AOPEP: variants seen among roughly 807,000 people sequenced by gnomAD.
AOPEP encodes the protein aminopeptidase O (putative).
A neutral mutation model predicts 98.1 loss-of-function variants in AOPEP; 77 were observed. The observed-to-expected ratio is 0.78, with a 90% CI of 0.65 to 0.95. The LOEUF (loss-of-function observed/expected upper bound fraction) is 0.95, where lower values mean the gene tolerates loss of function less well. AOPEP is among the 40% of genes least tolerant of loss of function. AOPEP has a pLI of 0.00. For missense variants in AOPEP, 1,024 were observed against 1,024.7 expected (o/e 1.00, Z 0.01); for synonymous variants, 346 against 365.3 (o/e 0.95, Z 0.60).
intron 5 of AOPEP, among the ~76,000 whole-genome samples, chr9:94,808,124 C>T (rs1849646064): frequency 1.3e-5 from 2 of 151,892 alleles, no homozygotes; most frequent in South Asian, 2.1e-4. Flanking sequence ...CTCACTGCCA[C>T]CTATGCCTCC....
the AOPEP span, among the ~76,000 whole-genome samples, chr9:95,119,365 C>T: frequency 1.4e-5 from 2 of 141,302 alleles, no homozygotes; most frequent in Admixed American, 7.1e-5. Context: ...TCTTCCTTTT[C>T]TTTTTTTTTT....
chr9:94,926,716 C>T (rs1338203725), intron 6 of AOPEP, among the ~76,000 whole-genome samples: 1 of 151,240 alleles, frequency 6.6e-6, no homozygotes, highest in Non-Finnish European at 1.5e-5. Context: ...CATGAGGATA[C>T]AGGGTGACAG....
At chr9:95,002,743 A>G (rs934657262) in intron 11 of AOPEP, among the ~76,000 whole-genome samples, 1 of 152,220 alleles carries the variant, frequency 6.6e-6, no homozygotes, top group Non-Finnish European at 1.5e-5. Flanking sequence ...CCAGAACTAG[A>G]GGATAAGTGG....
At chr9:94,774,462 A>G (rs1423341391) in intron 3 of AOPEP, among the ~76,000 whole-genome samples, 3 of 152,174 alleles carry the variant, frequency 2.0e-5, no homozygotes, top group South Asian at 4.1e-4. Context: ...TTTAAAATCT[A>G]TATGTTTTGT....
At chr9:94,797,294 T>C (rs1474413815) in intron 4 of AOPEP, among the ~76,000 whole-genome samples, 2 of 151,954 alleles carry the variant, frequency 1.3e-5, no homozygotes, top group Non-Finnish European at 2.9e-5. Context: ...TAGTTGGGTG[T>C]GGTGACGTGT....
At chr9:94,917,387 G>C (rs569365368) in intron 5 of AOPEP, among the ~76,000 whole-genome samples, 3 of 152,280 alleles carry the variant, frequency 2.0e-5, no homozygotes, top group African/African-American at 7.2e-5. Context: ...AAATGGTGAA[G>C]CTGGCTACAG....
chr9:95,044,795 A>T (rs769109371), intron 13 of AOPEP, among the ~76,000 whole-genome samples: 5 of 152,132 alleles, frequency 3.3e-5, no homozygotes, highest in Non-Finnish European at 7.4e-5. Flanking sequence ...ACCTGGTGGT[A>T]AGGCAGGGCT....
intron 16 of AOPEP, chr9:95,086,203 C>T (rs565781370): frequency 9.3e-6 from 12 of 1,290,582 alleles, no homozygotes; most frequent in East Asian, 1.1e-4. Flanking sequence ...CCCGGCCCGG[C>T]GGCAGCACGG....
At chr9:94,751,643 A>C (rs1835800295) in intron 1 of AOPEP, among the ~76,000 whole-genome samples, 1 of 152,038 alleles carries the variant, frequency 6.6e-6, no homozygotes, top group Admixed American at 6.5e-5. Flanking sequence ...TTAACCTCTC[A>C]ATCTTTAATC....
chr9:94,804,207 C>G (rs1848760249), intron 5 of AOPEP, among the ~76,000 whole-genome samples: 1 of 152,130 alleles, frequency 6.6e-6, no homozygotes, highest in Non-Finnish European at 1.5e-5. Context: ...ATTCTAGAAC[C>G]AGGCATATGA....
intron 1 of AOPEP, among the ~76,000 whole-genome samples, chr9:94,745,054 T>C (rs915936680): frequency 6.6e-6 from 1 of 152,144 alleles, no homozygotes; most frequent in Non-Finnish European, 1.5e-5. Context: ...ACCTCAAGCA[T>C]TGATTATTTC....
At chr9:94,884,964 G>A (rs1214652703) in intron 5 of AOPEP, among the ~76,000 whole-genome samples, 2 of 143,652 alleles carry the variant, frequency 1.4e-5, no homozygotes, top group African/African-American at 5.3e-5. Flanking sequence ...AGCCGAGATC[G>A]CACCACTGCA....
At chr9:94,929,603 G>A (rs976687441) in intron 7 of AOPEP, among the ~76,000 whole-genome samples, 1 of 152,256 alleles carries the variant, frequency 6.6e-6, no homozygotes, top group African/African-American at 2.4e-5. Flanking sequence ...CGGGCCAGGA[G>A]CCAGGAGACC....
At chr9:95,046,078 A>T (rs2065841194) in intron 13 of AOPEP, among the ~76,000 whole-genome samples, 1 of 152,134 alleles carries the variant, frequency 6.6e-6, no homozygotes, top group Non-Finnish European at 1.5e-5. Context: ...ATGTCAGTGG[A>T]CTAGGGCCAC....
intron 5 of AOPEP, among the ~76,000 whole-genome samples, chr9:94,889,155 G>A (rs1160060504): frequency 4.6e-5 from 7 of 151,996 alleles, no homozygotes; most frequent in Non-Finnish European, 8.8e-5. Context: ...CACCACGCCC[G>A]GCTAATTTTT....
intron 3 of AOPEP, among the ~76,000 whole-genome samples, chr9:94,782,458 A>G (rs1400257731): frequency 1.3e-5 from 2 of 152,212 alleles, no homozygotes; most frequent in African/African-American, 4.8e-5. Flanking sequence ...GCTCTCTGAC[A>G]TTCTCTTTCT....
In AOPEP at chr9:94,832,143, G is replaced by A. The variant is rs372931284; in HGVS notation, c.1364+31141G>A. On this transcript the variant is annotated intron_variant, in intron 5 of 16. Transcript: ENST00000375315. ...ACAAAATATTTTTGCATGTAAAAAA[G>A]CAAAACAAATGACTCATTGGGAAAA... Among the ~76,000 whole-genome samples, 85 of 152,106 alleles carry A rather than the reference G, an allele frequency of 5.6e-4. 2 individuals carry two copies. The South Asian group carries it at 0.017, about 30-fold the overall frequency.
intron 1 of AOPEP, among the ~76,000 whole-genome samples, chr9:94,733,833 T>C (rs1309024560): frequency 6.6e-6 from 1 of 152,202 alleles, no homozygotes; most frequent in Non-Finnish European, 1.5e-5. Context: ...TATTTTGTCT[T>C]GGCAAGGATG....
intron 5 of AOPEP, among the ~76,000 whole-genome samples, chr9:94,833,518 T>C (rs1398406652): frequency 6.6e-6 from 1 of 152,094 alleles, no homozygotes; most frequent in Non-Finnish European, 1.5e-5. Flanking sequence ...ATTACAGGTG[T>C]GAGCCACCGC....
Sources: gnomAD v4.1 joint callset for allele counts (sites outside exome capture counted in the v4.1 genomes callset) on GRCh38, gnomAD v4.1.1 for gene constraint, MANE v1.5 for transcripts, NCBI Gene and HGNC (gene_info 2026-07-23, HGNC 2026-07-21) for gene names.